Variants in LAMP3 observed in about 807,000 individuals in gnomAD.
LAMP3 encodes lysosome associated membrane protein 3.
Under a neutral mutation model 34.8 loss-of-function variants are expected in LAMP3, and 26 were observed. The observed-to-expected ratio is 0.75, with a 90% CI of 0.55 to 1.04. LAMP3 has a LOEUF of 1.04. LAMP3 is among the 50% of genes least tolerant of loss of function. The pLI is 0.00. For synonymous variants in LAMP3, 180 were observed against 201.9 expected (o/e 0.89, Z 0.92); for missense variants, 495 against 524.0 (o/e 0.94, Z 0.54).
intron 5 of LAMP3, chr3:183,132,916 A>G (rs1719970541): frequency 1.4e-5 from 14 of 985,330 alleles, no homozygotes; most frequent in Non-Finnish European, 1.7e-5. Flanking sequence ...CCATGGCCAC[A>G]GGGATTTCTC....
chr3:183,130,447 C>T (rs535742510), intron 5 of LAMP3, among the ~76,000 whole-genome samples: 16 of 152,186 alleles, frequency 1.1e-4, no homozygotes, highest in East Asian at 7.7e-4. Flanking sequence ...CGTGAGCCAC[C>T]GTGCCTGGCC....
At chr3:183,131,776 C>T (rs3772715) in intron 5 of LAMP3, 301,419 of 382,194 alleles carry the variant, frequency 0.79, 119,289 homozygotes, top group Non-Finnish European at 0.81. Flanking sequence ...AACAAGAAAA[C>T]TTCCAGTCAG....
intron 5 of LAMP3, among the ~76,000 whole-genome samples, chr3:183,133,538 T>G (rs538638980): frequency 2.6e-5 from 4 of 152,230 alleles, no homozygotes; most frequent in Non-Finnish European, 5.9e-5. Context: ...GTATGTTTAG[T>G]AGAGATGGGG....
At chr3:183,163,489 C>G (rs1721044971), upstream of LAMP3, 1 of 151,864 alleles carries the variant, frequency 6.6e-6, no homozygotes, top group African/African-American at 2.4e-5. Context: ...GGGGTTTCAC[C>G]CTGTTGGCCA....
In LAMP3 at chr3:183,160,395, G is replaced by A. The variant is rs534449304; in HGVS notation, c.49+2212C>T. Among the ~76,000 whole-genome samples, 8 of 152,268 alleles carry A rather than the reference G, an allele frequency of 5.3e-5. No homozygotes were observed. In the East Asian group the frequency reaches 7.7e-4, roughly 15 times the overall value. ...AGCCTGAACCCCAAGGCCAGACTTC[G>A]TTTTTGTTTTGTTTTGTTTGAGACA... On this transcript the variant is annotated intron_variant, in intron 1 of 5. Coordinates refer to ENST00000265598, the MANE Select transcript of LAMP3 (RefSeq NM_014398.4).
chr3:183,133,514 C>T (rs549498353), intron 5 of LAMP3, among the ~76,000 whole-genome samples: 71 of 152,210 alleles, frequency 4.7e-4, no homozygotes, highest in African/African-American at 1.3e-3. Flanking sequence ...ACCACCATGC[C>T]GGGCTAGTTT....
intron 5 of LAMP3, among the ~76,000 whole-genome samples, chr3:183,133,857 G>A (rs1316903618): frequency 6.6e-6 from 1 of 152,142 alleles, no homozygotes; most frequent in Non-Finnish European, 1.5e-5. Flanking sequence ...CTTTTACAAG[G>A]CTCAGCTTTG....
chr3:183,144,704 G>A (rs894983068), intron 3 of LAMP3, among the ~76,000 whole-genome samples: 1 of 152,136 alleles, frequency 6.6e-6, no homozygotes, highest in African/African-American at 2.4e-5. Flanking sequence ...AGGCTCTGGA[G>A]ACCAGTTTGA....
upstream of LAMP3, chr3:183,162,943 C>T (rs1721025918): frequency 9.2e-6 from 4 of 434,402 alleles, no homozygotes. Flanking sequence ...CGCTCATACC[C>T]TGGGTCTCCT....
At chr3:183,135,626 G>A in intron 5 of LAMP3, 91 bp downstream of exon 5, 1 of 1,205,270 alleles carries the variant, frequency 8.3e-7, no homozygotes, top group Non-Finnish European at 1.2e-6. Flanking sequence ...TGAGATGCTT[G>A]CTCCTTCGAC....
chr3:183,135,833 C>A lies in LAMP3; in HGVS notation c.1001G>T (p.Gly334Val), dbSNP rs140475701. 1.1e-5 allele frequency: 18 copies of A among 1,613,886 alleles called. No homozygotes were observed. In the East Asian group the frequency reaches 4.0e-4, roughly 36 times the overall value. ...TTCACTCACGCACTTGAAGGAATGCCCGACTGCTGTCTGGAACATCACCAC... is the reference window on the plus strand; with the variant it reads ...TTCACTCACGCACTTGAAGGAATGCACGACTGCTGTCTGGAACATCACCAC... ...HAVVMFQTAV[G>V]HSFKCVSEQS... The change falls in exon 5 of 6, where the codon GGG becomes GTG. Residue 334 changes from glycine (G) to valine (V), a missense_variant. Physicochemically the swap from Gly to Val is moderately radical, Grantham distance 109. Coordinates refer to ENST00000265598, the MANE Select transcript of LAMP3 (RefSeq NM_014398.4).
At chr3:183,129,602 A>C (rs614566) in intron 5 of LAMP3, among the ~76,000 whole-genome samples, 131,433 of 152,110 alleles carry the variant, frequency 0.86, 57,208 homozygotes, top group Middle Eastern at 0.93. Flanking sequence ...TTTGACACTC[A>C]TCTTGTTTTC....
chr3:183,136,667 A>AAC (rs1553874650), intron 4 of LAMP3, among the ~76,000 whole-genome samples: 9 of 148,448 alleles, frequency 6.1e-5, no homozygotes, highest in African/African-American at 2.3e-4. Flanking sequence ...AAAAAAAAAA[A>AAC]AAACAACTCA....
chr3:183,131,440 C>T (rs1719917462), intron 5 of LAMP3, among the ~76,000 whole-genome samples: 1 of 152,200 alleles, frequency 6.6e-6, no homozygotes, highest in South Asian at 2.1e-4. Context: ...AAGGAGATCA[C>T]AGCTCTCCAA....
In LAMP3 at chr3:183,154,131, G is replaced by T. The variant is rs144079250; in HGVS notation, c.310C>A (p.Leu104Met). The T allele has an allele frequency of 4.2e-5, 67 of 1,614,092 alleles. No individual in the cohort carries two copies. Among genetic ancestry groups the T allele is most frequent in the Non-Finnish European group, 5.6e-5 (66 of 1,180,048 alleles). ...TATTSPITYT[L>M]VTTQATPNNS... The stretch of plus-strand genomic sequence containing the variant: ...TTGGGTGTGGCCTGGGTTGTGACCA[G>T]GGTGTAGGTAATTGGGCTGGTGGTT... The change falls in exon 2 of 6, where the codon CTG becomes ATG. Residue 104 changes from leucine to methionine, a missense_variant. Coordinates refer to ENST00000265598, the MANE Select transcript of LAMP3 (RefSeq NM_014398.4).
chr3:183,150,962 TG>T (rs974715690), intron 3 of LAMP3, among the ~76,000 whole-genome samples: 19 of 152,192 alleles, frequency 1.2e-4, no homozygotes, highest in African/African-American at 4.6e-4. Context: ...CTTTCCCACT[TG>T]GTCCCAAAAG....
chr3:183,161,690 G>A (rs1310540127), intron 1 of LAMP3, among the ~76,000 whole-genome samples: 1 of 152,036 alleles, frequency 6.6e-6, no homozygotes, highest in Non-Finnish European at 1.5e-5. Flanking sequence ...CGCCTGGCCT[G>A]TCAATACCAT....
intron 3 of LAMP3, among the ~76,000 whole-genome samples, chr3:183,146,636 T>G (rs1720450437): frequency 6.6e-6 from 1 of 151,168 alleles, no homozygotes; most frequent in African/African-American, 2.4e-5. Context: ...CAAGCGATTC[T>G]CCTGCCTCAG....
At position 183,124,014 on chromosome 3, in the gene LAMP3, A is replaced by G; in HGVS notation, c.*67T>C. 1.3e-6 allele frequency: 2 copies of G among 1,572,086 alleles called. No homozygotes were observed. The highest frequency in any genetic ancestry group is 1.3e-5 in the African/African-American group (1 of 74,086). On this transcript the variant is annotated 3_prime_UTR_variant, in exon 6 of 6. Coordinates refer to ENST00000265598, the MANE Select transcript of LAMP3 (RefSeq NM_014398.4). ...ACCCACACTCTGAGGGAATTTCCCA[A>G]CATCCATCCTGGAAGGGATGAAAGA...
Sources: allele counts gnomAD v4.1 joint callset (sites outside exome capture counted in the v4.1 genomes callset), GRCh38; gene constraint gnomAD v4.1.1; transcripts MANE v1.5; gene names NCBI Gene and HGNC (gene_info 2026-07-23, HGNC 2026-07-21).